MFSD2A: variants seen among roughly 807,000 people sequenced by gnomAD.
The protein encoded by MFSD2A is MFSD2 lysolipid transporter A, lysophospholipid, also known as sodium-dependent lysophosphatidylcholine symporter 1.
Under a neutral mutation model 64.7 loss-of-function variants are expected in MFSD2A, and 27 were observed. That is an observed-to-expected ratio of 0.42 (90% CI 0.31 to 0.58). MFSD2A has a LOEUF of 0.58. Ranked by LOEUF, MFSD2A falls within the 20% of genes least tolerant of loss-of-function variation. The pLI is 0.18. For missense variants in MFSD2A, 474 were observed against 679.5 expected (o/e 0.70, Z 3.36); for synonymous variants, 258 against 273.4 (o/e 0.94, Z 0.55).
At position 39,964,783 on chromosome 1, in the gene MFSD2A, G is replaced by GT. The variant is rs1270654950; in HGVS notation, c.354-427dup. On this transcript the variant is annotated intron_variant, in intron 3 of 13. Transcript: ENST00000372811. The surrounding 1 kb of genome is among the most constrained non-coding windows in gnomAD (Gnocchi z 4.1). ...TGGGGTGTGTGTGTGTGTGAATGAG[G>GT]TGTGTGTGTGAATGGGGTGTGTGTG... is the stretch of plus-strand genomic sequence containing the variant. 1 of 206,092 alleles carries GT rather than the reference G, an allele frequency of 4.9e-6. No individual in the cohort carries two copies. 12.8% of individuals were successfully genotyped at this position (206,092 alleles called of 1,614,324 possible). A position where few individuals can be genotyped will look rare whatever the true frequency, so the allele number is the denominator to read the frequency against.
Position 39,964,148 on chromosome 1 carries a change from T to C in MFSD2A, c.354-1063T>C, listed in dbSNP as rs1557635166. On this transcript the variant is annotated intron_variant, in intron 3 of 13. Transcript: ENST00000372811. The surrounding 1 kb of genome is among the most constrained non-coding windows in gnomAD (Gnocchi z 4.1). ...GTCTTGCTGATTTTCCTTGGCTTAATGTCTACAAGGTTCATCTATGTTGTA... is the reference window on the plus strand; with the variant it reads ...GTCTTGCTGATTTTCCTTGGCTTAACGTCTACAAGGTTCATCTATGTTGTA... The C allele has an allele frequency of 6.6e-6, 1 of 152,470 alleles. No homozygotes were observed. The highest frequency in any genetic ancestry group is 1.5e-5 in the Non-Finnish European group (1 of 68,058). The allele number at this position is 152,470 out of a possible 1,614,324, so 9.4% of individuals were successfully genotyped here.
chr1:39,963,443 TAAAAA>T lies in MFSD2A; in HGVS notation c.354-1762_354-1758del. On this transcript the variant is annotated intron_variant, in intron 3 of 13. Transcript: ENST00000372811. This position sits in a 1 kb window ranked among gnomAD's most constrained non-coding sequence, Gnocchi z 4.2. ...GAGAAGTAAAGTGAATTAAGCCTGTTAAAAAAAAAATGTTTACGAGACAGAGTCTT... is the reference window on the plus strand; with the variant it reads ...GAGAAGTAAAGTGAATTAAGCCTGTTAAAAATGTTTACGAGACAGAGTCTT... The T allele has an allele frequency of 2.0e-6, 1 of 500,204 alleles. No homozygotes were observed. Among genetic ancestry groups the T allele is most frequent in the Non-Finnish European group, 3.6e-6 (1 of 280,308 alleles). The allele number at this position is 500,204 out of a possible 1,614,324, so 31.0% of individuals were successfully genotyped here.
At position 39,955,316 on chromosome 1, in the gene MFSD2A, G is replaced by A. The variant is rs1644901131; in HGVS notation, c.24G>A (p.Glu8=). 5 of 1,447,016 alleles carry A rather than the reference G, an allele frequency of 3.5e-6. No homozygotes were observed. In the South Asian group the frequency reaches 7.6e-5, roughly 22 times the overall value. The allele number at this position is 1,447,016 out of a possible 1,614,324, so 89.6% of individuals were successfully genotyped here. A position where few individuals can be genotyped will look rare whatever the true frequency, so the allele number is the denominator to read the frequency against. Residue 8 remains glutamate (E), a synonymous_variant, in exon 1 of 14, where the codon GAG becomes GAA. Coordinates refer to ENST00000372811, the MANE Select transcript of MFSD2A (RefSeq NM_032793.5). The surrounding 1 kb of genome is among the most constrained non-coding windows in gnomAD (Gnocchi z 5.9). MAKGEGA[E]SGSAAGLLPT... ...TCATGGCCAAAGGAGAAGGCGCCGAGAGCGGCTCCGCGGCGGGGCTGCTAC... is the reference window on the plus strand; with the variant it reads ...TCATGGCCAAAGGAGAAGGCGCCGAAAGCGGCTCCGCGGCGGGGCTGCTAC...
chr1:39,956,553 GGGA>G (rs1187000470), intron 1 of MFSD2A, among the ~76,000 whole-genome samples: 1 of 152,174 alleles, frequency 6.6e-6, no homozygotes, highest in Non-Finnish European at 1.5e-5. Flanking sequence ...CTGAGGCCTT[GGGA>G]GGAGTTCTTT....
chr1:39,961,868 G>C (rs1447335116), intron 3 of MFSD2A, among the ~76,000 whole-genome samples: 1 of 152,192 alleles, frequency 6.6e-6, no homozygotes, highest in African/African-American at 2.4e-5. Context: ...CAGTGTGTGA[G>C]AGACCAGATG....
rs572193653 is a variant in MFSD2A, at chr1:39,969,822, C to T, written c.*254C>T. ...TGCCAAGGACTGATCGGGCCTAGCC[C>T]GGAACACTAATGTAGAAACCTTTTT... On this transcript the variant is annotated 3_prime_UTR_variant, in exon 14 of 14. Coordinates refer to ENST00000372811, the MANE Select transcript of MFSD2A (RefSeq NM_032793.5). The T allele has an allele frequency of 3.9e-5, 20 of 509,252 alleles. No individual in the cohort carries two copies. Among genetic ancestry groups the T allele is most frequent in the East Asian group, 1.8e-4 (5 of 28,440 alleles). The allele number at this position is 509,252 out of a possible 1,614,324, so 31.5% of individuals were successfully genotyped here.
rs374629919 is a variant in MFSD2A at position 39,957,229 on chromosome 1, G to T, written c.228+8G>T. 1.0e-5 allele frequency: 16 copies of T among 1,555,012 alleles called. No homozygotes were observed. The highest frequency in any genetic ancestry group is 1.4e-5 in the Non-Finnish European group (16 of 1,149,574). ...CTATTGGATGTGGCTCAGGTGAGTG[G>T]TCTAAGCCTTCGAGGGCTCCTTCAG... is the stretch of plus-strand genomic sequence containing the variant. On this transcript the variant is annotated splice_region_variant and intron_variant, in intron 2 of 13. Transcript: ENST00000372811.
At chr1:39,959,988 A>C (rs1304071056) in intron 3 of MFSD2A, among the ~76,000 whole-genome samples, 3 of 152,238 alleles carry the variant, frequency 2.0e-5, no homozygotes, top group Admixed American at 1.3e-4. Context: ...GCACCCCTTC[A>C]GGGTGGCTCC....
rs1285978407 is a variant in MFSD2A at position 39,968,574 on chromosome 1, C to T, written c.1358C>T (p.Ala453Val). The T allele has an allele frequency of 7.4e-6, 12 of 1,614,056 alleles. No homozygotes were observed. The highest frequency in any genetic ancestry group is 1.3e-5 in the African/African-American group (1 of 74,914). The change falls in exon 13 of 14, where the codon GCA becomes GTA. Residue 453 changes from alanine to valine, a missense_variant. Physicochemically the swap from Ala to Val is moderately conservative, Grantham distance 64 (BLOSUM62 0). Transcript: ENST00000372811. The surrounding 1 kb of genome is among the most constrained non-coding windows in gnomAD (Gnocchi z 4.4). ...LGISTLSLDF[A>V]GYQTRGCSQP... is the part of the protein sequence containing the mutation. ...CTACCCCCTGGGTCCCATAGCTTTGCAGGGTACCAGACCCGTGGCTGCTCG... is the reference window on the plus strand; with the variant it reads ...CTACCCCCTGGGTCCCATAGCTTTGTAGGGTACCAGACCCGTGGCTGCTCG...
rs926640989 is a variant in MFSD2A, at chr1:39,960,926, C to T, written c.353+2101C>T. Among the ~76,000 whole-genome samples, 1 of 152,160 alleles carries T rather than the reference C, an allele frequency of 6.6e-6. No individual in the cohort carries two copies. The highest frequency in any genetic ancestry group is 6.5e-5 in the Admixed American group (1 of 15,282). ...CTGGTGGTGCCTGTGTATGCCTGCA[C>T]GCGGGATGGCTCGTGGGCTGAAGGC... On this transcript the variant is annotated intron_variant, in intron 3 of 13. Transcript: ENST00000372811. The surrounding 1 kb of genome is among the most constrained non-coding windows in gnomAD (Gnocchi z 4.8).
rs1161729833 is a variant in MFSD2A, at chr1:39,965,056, G to C, written c.354-155G>C. The C allele has an allele frequency of 2.9e-6, 3 of 1,036,108 alleles. No individual in the cohort carries two copies. The highest frequency in any genetic ancestry group is 5.2e-5 in the East Asian group (2 of 38,254). The allele number at this position is 1,036,108 out of a possible 1,614,324, so 64.2% of individuals were successfully genotyped here. A position where few individuals can be genotyped will look rare whatever the true frequency, so the allele number is the denominator to read the frequency against. On this transcript the variant is annotated intron_variant, in intron 3 of 13. Transcript: ENST00000372811. The surrounding 1 kb of genome is among the most constrained non-coding windows in gnomAD (Gnocchi z 5.5). ...GGGCTTGGTCATCAGCCTCTTCCCA[G>C]AGGCCCAGGATGGGTGGATTTGGCA...
intron 9 of MFSD2A, 126 bp from the exon 10 acceptor site, chr1:39,967,502 C>A: frequency 2.3e-6 from 2 of 863,428 alleles, no homozygotes; most frequent in Non-Finnish European, 3.9e-6. Flanking sequence ...ATCTTCGTTG[C>A]TGCCCACATG....
chr1:39,965,427 G>A lies in MFSD2A; in HGVS notation c.478-44G>A. 1 of 1,613,548 alleles carries A rather than the reference G, an allele frequency of 6.2e-7. No homozygotes were observed. The highest frequency in any genetic ancestry group is 8.5e-7 in the Non-Finnish European group (1 of 1,179,628). ...GGTTGGTACTGGAAGCTACATCAGT[G>A]TGTCCACCCGCCTGACCAGCCAATG... On this transcript the variant is annotated intron_variant, in intron 4 of 13. Transcript: ENST00000372811. The surrounding 1 kb of genome is among the most constrained non-coding windows in gnomAD (Gnocchi z 5.5).
In MFSD2A at chr1:39,955,490, C is replaced by G. The variant is rs759369490; in HGVS notation, c.93+105C>G. On this transcript the variant is annotated intron_variant, in intron 1 of 13. Coordinates refer to ENST00000372811, the MANE Select transcript of MFSD2A (RefSeq NM_032793.5). This position sits in a 1 kb window ranked among gnomAD's most constrained non-coding sequence, Gnocchi z 5.9. The stretch of plus-strand genomic sequence containing the variant: ...CCTGGTCAGGGGACCATTGGGATAG[C>G]CAGGGACAGGAAGCCTACGAGCCAG... 7.5e-6 allele frequency: 9 copies of G among 1,206,938 alleles called. No individual in the cohort carries two copies. Among genetic ancestry groups the G allele is most frequent in the Non-Finnish European group, 1.1e-5 (9 of 845,034 alleles). 74.8% of individuals were successfully genotyped at this position (1,206,938 alleles called of 1,614,324 possible).
intron 9 of MFSD2A, 199 bp downstream of exon 9, chr1:39,967,368 G>C (rs1645186554): frequency 3.1e-6 from 2 of 635,164 alleles, no homozygotes; most frequent in Admixed American, 2.9e-5. Flanking sequence ...TGTTTGAGTA[G>C]TGAGCACAGC....
Position 39,963,381 on chromosome 1 carries a change from G to C in MFSD2A, c.354-1830G>C. The stretch of plus-strand genomic sequence containing the variant: ...TGACCACCTCATCAAGACCCACCAG[G>C]CTCCAGCTGTGGCTACAACATAGGG... On this transcript the variant is annotated intron_variant, in intron 3 of 13. Coordinates refer to ENST00000372811, the MANE Select transcript of MFSD2A (RefSeq NM_032793.5). The surrounding 1 kb of genome is among the most constrained non-coding windows in gnomAD (Gnocchi z 4.2). 1.5e-6 allele frequency: 1 copy of C among 687,624 alleles called. No individual in the cohort carries two copies. The highest frequency in any genetic ancestry group is 2.5e-6 in the Non-Finnish European group (1 of 392,804). The allele number at this position is 687,624 out of a possible 1,614,324, so 42.6% of individuals were successfully genotyped here.
Position 39,968,810 on chromosome 1 carries a change from G to T in MFSD2A, c.1529+65G>T. ...CACTGTGTCTAAACCCTCAATTTGT[G>T]TCTCCTGTGGCCAAGTCCAGACTCA... On this transcript the variant is annotated intron_variant, in intron 13 of 13. Transcript: ENST00000372811. This position sits in a 1 kb window ranked among gnomAD's most constrained non-coding sequence, Gnocchi z 4.4. The T allele has an allele frequency of 6.3e-7, 1 of 1,575,862 alleles. No individual in the cohort carries two copies.
chr1:39,961,320 GCCCCCGCCC>G (rs1645036623), intron 3 of MFSD2A, among the ~76,000 whole-genome samples: 1 of 4,838 alleles, frequency 2.1e-4, no homozygotes, highest in African/African-American at 6.3e-4. Flanking sequence ...TTTTCTTCCC[GCCCCCGCCC>G]CCCCCCCCCC....
rs575080623 is a variant in MFSD2A at position 39,969,852 on chromosome 1, A to C, written c.*284A>C. Reference sequence around the variant, plus strand: ...CACTAATGTAGAAACCTTTTTTTTTACAGAGCCTAATTAATAACTTAATGA... The same window carrying C: ...CACTAATGTAGAAACCTTTTTTTTTCCAGAGCCTAATTAATAACTTAATGA... On this transcript the variant is annotated 3_prime_UTR_variant, in exon 14 of 14. Coordinates refer to ENST00000372811, the MANE Select transcript of MFSD2A (RefSeq NM_032793.5). The C allele has an allele frequency of 2.3e-6, 1 of 443,372 alleles. No individual in the cohort carries two copies. Among genetic ancestry groups the C allele is most frequent in the East Asian group, 4.2e-5 (1 of 23,728 alleles). The allele number at this position is 443,372 out of a possible 1,614,324, so 27.5% of individuals were successfully genotyped here.
Sources: gnomAD v4.1 joint callset for allele counts (sites outside exome capture counted in the v4.1 genomes callset) on GRCh38, gnomAD v4.1.1 for gene constraint, Gnocchi (gnomAD v3.1) non-coding constraint, MANE v1.5 for transcripts, NCBI Gene and HGNC (gene_info 2026-07-23, HGNC 2026-07-21) for gene names.